PRELID2: variants seen among roughly 807,000 people sequenced by gnomAD.
PRELID2 encodes PRELI domain-containing protein 2.
A neutral mutation model predicts 28.4 loss-of-function variants in PRELID2; 25 were observed. The ratio of observed to expected loss-of-function variants is 0.88; its 90% CI spans 0.64 to 1.23. The LOEUF (loss-of-function observed/expected upper bound fraction) is 1.23. Among genes scored for constraint, PRELID2 ranks in the 50% most tolerant of loss-of-function variants. The probability of loss-of-function intolerance (pLI) is 0.00; values close to 1 mark genes in which losing one functional copy is unlikely to be tolerated. For synonymous variants in PRELID2, 76 were observed against 71.6 expected (o/e 1.06, Z -0.31); for missense variants, 201 against 214.4 (o/e 0.94, Z 0.39).
chr5:145,761,073 A>G (rs1166443642), intron 6 of PRELID2, among the ~76,000 whole-genome samples: 3 of 152,240 alleles, frequency 2.0e-5, no homozygotes, highest in Admixed American at 6.5e-5. Context: ...AATGTTAGGT[A>G]CAGTGTAGAA....
chr5:145,605,944 C>T (rs1198225456), intron 1 of PRELID2, among the ~76,000 whole-genome samples: 1 of 151,878 alleles, frequency 6.6e-6, no homozygotes, highest in Non-Finnish European at 1.5e-5. Flanking sequence ...TGATTTATTT[C>T]AGCAGATTTT....
intron 1 of PRELID2, among the ~76,000 whole-genome samples, chr5:145,692,553 T>C (rs1464831380): frequency 6.6e-6 from 1 of 152,106 alleles, no homozygotes; most frequent in Non-Finnish European, 1.5e-5. Flanking sequence ...ACCCAAAAGG[T>C]GACATTTTGT....
intron 1 of PRELID2, among the ~76,000 whole-genome samples, chr5:145,503,143 G>T (rs572262214): frequency 6.6e-6 from 1 of 152,254 alleles, no homozygotes; most frequent in South Asian, 2.1e-4. Context: ...CTTGTCAGAA[G>T]ATGTACCACA....
At chr5:145,305,795 T>G in the PRELID2 span, among the ~76,000 whole-genome samples, 1 of 152,074 alleles carries the variant, frequency 6.6e-6, no homozygotes, top group Non-Finnish European at 1.5e-5. Context: ...AAAGCAACCC[T>G]TAACTCCAAA....
chr5:145,680,843 G>T (rs1754918360), intron 1 of PRELID2, among the ~76,000 whole-genome samples: 1 of 152,172 alleles, frequency 6.6e-6, no homozygotes, highest in African/African-American at 2.4e-5. Context: ...GGGTATGGGA[G>T]AAAGTACTTT....
At chr5:145,342,902 T>TAAAAAAAAAAA in the PRELID2 span, among the ~76,000 whole-genome samples, 22 of 128,878 alleles carry the variant, frequency 1.7e-4, no homozygotes, top group Middle Eastern at 4.2e-3. Context: ...TCAAAAACAG[T>TAAAAAAAAAAA]AAAAAAAAAA....
At chr5:145,675,008 G>A (rs898735581) in intron 1 of PRELID2, among the ~76,000 whole-genome samples, 10 of 151,632 alleles carry the variant, frequency 6.6e-5, no homozygotes, top group African/African-American at 2.4e-4. Context: ...GAACTTGGGA[G>A]TAGGAAACAC....
chr5:145,301,930 CTTTTTT>C, the PRELID2 span, among the ~76,000 whole-genome samples: 7 of 110,206 alleles, frequency 6.4e-5, no homozygotes, highest in East Asian at 2.7e-4. Context: ...TTATTCATTT[CTTTTTT>C]TTTTTTTTTT....
intron 1 of PRELID2, among the ~76,000 whole-genome samples, chr5:145,666,602 C>T (rs554322678): frequency 6.6e-6 from 1 of 152,090 alleles, no homozygotes; most frequent in Non-Finnish European, 1.5e-5. Flanking sequence ...TGGCACAGCG[C>T]TCAAGGACAA....
At chr5:145,230,641 G>T in the PRELID2 span, among the ~76,000 whole-genome samples, 1 of 152,016 alleles carries the variant, frequency 6.6e-6, no homozygotes, top group South Asian at 2.1e-4. Context: ...TGCCAAAATA[G>T]GCTAGTACTG....
At chr5:145,229,780 A>T in the PRELID2 span, 1 of 755,448 alleles carries the variant, frequency 1.3e-6, no homozygotes, top group African/African-American at 1.7e-5. Flanking sequence ...GAGCTGATAT[A>T]CACCAGTTTC....
At chr5:145,713,794 T>C (rs945124426) in intron 1 of PRELID2, among the ~76,000 whole-genome samples, 1 of 148,940 alleles carries the variant, frequency 6.7e-6, no homozygotes, top group Non-Finnish European at 1.5e-5. Flanking sequence ...ATTTTAAATG[T>C]AATTACATTT....
chr5:145,262,629 G>A, the PRELID2 span, among the ~76,000 whole-genome samples: 2 of 152,022 alleles, frequency 1.3e-5, no homozygotes, highest in African/African-American at 2.4e-5. Flanking sequence ...TTTCCAGACA[G>A]ACATATGCTG....
At chr5:145,728,213 TTTAGGGCACTGACC>T (rs1756229955) in intron 1 of PRELID2, 1 of 205,670 alleles carries the variant, frequency 4.9e-6, no homozygotes, top group East Asian at 1.4e-4. Context: ...TCAGTATCTC[TTTAGGGCACTGACC>T]TTATATTGTT....
chr5:145,429,343 G>T, the PRELID2 span, among the ~76,000 whole-genome samples: 1 of 152,156 alleles, frequency 6.6e-6, no homozygotes, highest in Non-Finnish European at 1.5e-5. Flanking sequence ...AGGCCAAGAT[G>T]ACTTCGAGGT....
the PRELID2 span, among the ~76,000 whole-genome samples, chr5:145,452,775 G>A: frequency 1.3e-5 from 2 of 151,966 alleles, no homozygotes; most frequent in East Asian, 1.9e-4. Flanking sequence ...GAAAGGGGGA[G>A]TCAGAAAAAA....
At chr5:145,833,296 C>T (rs420915) in intron 1 of PRELID2, among the ~76,000 whole-genome samples, 101,651 of 151,990 alleles carry the variant, frequency 0.67, 35,210 homozygotes, top group Non-Finnish European at 0.78. Flanking sequence ...CGGTCAGCAA[C>T]GCCTAGACAG....
chr5:145,819,857 C>G, intron 3 of PRELID2, 88 bp downstream of exon 3: 2 of 808,352 alleles, frequency 2.5e-6, no homozygotes, highest in Non-Finnish European at 4.1e-6. Flanking sequence ...TTCTAACGCT[C>G]CTTTACATCA....
intron 5 of PRELID2, among the ~76,000 whole-genome samples, chr5:145,776,614 G>T (rs1028644490): frequency 6.6e-6 from 1 of 152,188 alleles, no homozygotes; most frequent in African/African-American, 2.4e-5. Flanking sequence ...CACCCACTGG[G>T]GGTCTTGGAA....
Sources: allele counts gnomAD v4.1 joint callset (sites outside exome capture counted in the v4.1 genomes callset), GRCh38; gene constraint gnomAD v4.1.1; transcripts MANE v1.5; gene names NCBI Gene and HGNC (gene_info 2026-07-23, HGNC 2026-07-21).